Variants in EPHA6 observed in about 807,000 individuals in gnomAD.
EPHA6 encodes the protein ephrin type-A receptor 6.
In EPHA6, 50 loss-of-function variants were observed where a neutral mutation model predicts 112.0. The observed-to-expected ratio is 0.45, with a 90% CI of 0.36 to 0.56. The LOEUF is 0.56. EPHA6 is among the 20% of genes least tolerant of loss of function. The pLI is 0.00. For missense variants in EPHA6, 1,280 were observed against 1,417.4 expected (o/e 0.90, Z 1.56); for synonymous variants, 529 against 490.7 (o/e 1.08, Z -1.03).
intron 5 of EPHA6, among the ~76,000 whole-genome samples, chr3:97,396,820 G>A (rs1205694466): frequency 6.6e-5 from 10 of 151,564 alleles, no homozygotes; most frequent in Non-Finnish European, 1.3e-4. Flanking sequence ...ATTGTCTTGA[G>A]AGCAAAATAG....
chr3:97,352,213 A>G (rs2083849467), intron 5 of EPHA6, among the ~76,000 whole-genome samples: 1 of 152,162 alleles, frequency 6.6e-6, no homozygotes, highest in Admixed American at 6.5e-5. Context: ...AATATCAGAA[A>G]TATATTTGGG....
intron 3 of EPHA6, among the ~76,000 whole-genome samples, chr3:97,195,125 G>A (rs1363113823): frequency 2.6e-5 from 4 of 151,994 alleles, no homozygotes; most frequent in African/African-American, 9.6e-5. Context: ...TTTGTTTACA[G>A]CTTGTTTTGT....
At chr3:97,333,468 CTTTTTTTTTTTTTT>C (rs869258362) in intron 5 of EPHA6, among the ~76,000 whole-genome samples, 2 of 75,880 alleles carry the variant, frequency 2.6e-5, no homozygotes, top group Non-Finnish European at 5.0e-5. Flanking sequence ...TATGGCTTTT[CTTTTTTTTTTTTTT>C]TTTTTTTTTG....
chr3:97,323,051 T>A (rs2082194352), intron 5 of EPHA6, among the ~76,000 whole-genome samples: 1 of 151,984 alleles, frequency 6.6e-6, no homozygotes, highest in Non-Finnish European at 1.5e-5. Context: ...TCCTCTTCCC[T>A]TGTAGTTAAG....
chr3:97,437,944 C>T (rs567347580), intron 6 of EPHA6, among the ~76,000 whole-genome samples: 105 of 151,798 alleles, frequency 6.9e-4, no homozygotes, highest in Non-Finnish European at 8.1e-4. Flanking sequence ...TTTTTCTATC[C>T]GTATATTGTT....
intron 3 of EPHA6, among the ~76,000 whole-genome samples, chr3:97,131,902 C>T (rs1167812006): frequency 6.6e-6 from 1 of 152,080 alleles, no homozygotes; most frequent in Non-Finnish European, 1.5e-5. Flanking sequence ...TCAATCATAA[C>T]CTAAATGACC....
chr3:97,388,320 A>G, intron 5 of EPHA6, among the ~76,000 whole-genome samples: 1 of 151,964 alleles, frequency 6.6e-6, no homozygotes, highest in East Asian at 1.9e-4. Flanking sequence ...TTTTTTTTTA[A>G]TCTTCTTAGT....
intron 11 of EPHA6, among the ~76,000 whole-genome samples, chr3:97,586,664 A>T (rs1353062285): frequency 6.6e-6 from 1 of 152,098 alleles, no homozygotes; most frequent in Non-Finnish European, 1.5e-5. Flanking sequence ...AGATAGAAAG[A>T]TGGTAGGTAG....
In EPHA6 at chr3:97,527,686, A is replaced by G. The variant is rs571943914; in HGVS notation, c.2201-4672A>G. ...GGGCCACATAGGGGTTGCATTTGGGAAAAAAAGTGAACAACCATGTGTATG... is the reference window on the plus strand; with the variant it reads ...GGGCCACATAGGGGTTGCATTTGGGGAAAAAAGTGAACAACCATGTGTATG... On this transcript the variant is annotated intron_variant, in intron 10 of 17. Transcript: ENST00000389672. 3.4e-5 allele frequency among the ~76,000 whole-genome samples: 5 copies of G among 146,324 alleles called. No homozygotes were observed. In the South Asian group the frequency reaches 8.4e-4, roughly 25 times the overall value.
chr3:97,569,704 A>T (rs2107215222), intron 11 of EPHA6, among the ~76,000 whole-genome samples: 1 of 152,354 alleles, frequency 6.6e-6, no homozygotes, highest in Non-Finnish European at 1.5e-5. Flanking sequence ...TATTGTTTTA[A>T]TTGAAAGGGA....
At chr3:96,878,326 G>A (rs1452522645) in intron 2 of EPHA6, among the ~76,000 whole-genome samples, 1 of 151,810 alleles carries the variant, frequency 6.6e-6, no homozygotes, top group East Asian at 1.9e-4. Context: ...GAGAGAGGGG[G>A]AGACAGAAAG....
rs572924672 is a variant in EPHA6 at position 97,678,126 on chromosome 3, G to A, written c.2784+40044G>A. 1.5e-3 allele frequency among the ~76,000 whole-genome samples: 234 copies of A among 152,194 alleles called. 1 individual carries two copies. The highest frequency in any genetic ancestry group is 5.5e-3 in the African/African-American group (230 of 41,528). On this transcript the variant is annotated intron_variant, in intron 14 of 17. Transcript: ENST00000389672. ...GTGGTGACTTGGAGTATTGATAGGT[G>A]ACTATTACAGAGAGGGTGGTGACTG...
chr3:97,372,649 A>C (rs142615835), intron 5 of EPHA6, among the ~76,000 whole-genome samples: 3 of 152,302 alleles, frequency 2.0e-5, no homozygotes, highest in African/African-American at 7.2e-5. Context: ...TAACACAGGT[A>C]CATTTGGGAA....
At chr3:97,367,578 T>G (rs897749228) in intron 5 of EPHA6, among the ~76,000 whole-genome samples, 7 of 152,058 alleles carry the variant, frequency 4.6e-5, no homozygotes, top group Non-Finnish European at 1.0e-4. Context: ...ATTTATTTTT[T>G]TTTTGTAGTT....
chr3:97,181,560 T>A (rs768430250), intron 3 of EPHA6, among the ~76,000 whole-genome samples: 76 of 151,288 alleles, frequency 5.0e-4, no homozygotes, highest in Non-Finnish European at 1.5e-4. Flanking sequence ...CTTAAGGATA[T>A]CAAATAGCAG....
intron 3 of EPHA6, among the ~76,000 whole-genome samples, chr3:97,075,288 T>A (rs2046480801): frequency 6.6e-6 from 1 of 152,048 alleles, no homozygotes; most frequent in South Asian, 2.1e-4. Context: ...AAGATAATGT[T>A]CATATCAATT....
Position 97,646,417 on chromosome 3 carries a change from C to A in EPHA6, c.2784+8335C>A. 7 of 815,446 alleles carry A rather than the reference C, an allele frequency of 8.6e-6. No individual in the cohort carries two copies. In the South Asian group the frequency reaches 1.5e-4, roughly 17 times the overall value. The allele number at this position is 815,446 out of a possible 1,614,324, so 50.5% of individuals were successfully genotyped here. A position where few individuals can be genotyped will look rare whatever the true frequency, so the allele number is the denominator to read the frequency against. On this transcript the variant is annotated intron_variant, in intron 14 of 17. Coordinates refer to ENST00000389672, the MANE Select transcript of EPHA6 (RefSeq NM_001080448.3). ...AGTAAATGAAGAATGAGATTTACAC[C>A]TAAATATAAGTAGAAATTCTAATAT...
intron 4 of EPHA6, among the ~76,000 whole-genome samples, chr3:97,232,058 G>T (rs1238104229): frequency 6.6e-6 from 1 of 152,104 alleles, no homozygotes; most frequent in East Asian, 1.9e-4. Flanking sequence ...TATTTCTGAG[G>T]CCCTGCAGTT....
intron 2 of EPHA6, among the ~76,000 whole-genome samples, chr3:96,924,191 A>G (rs922022417): frequency 9.2e-5 from 14 of 152,202 alleles, no homozygotes; most frequent in Non-Finnish European, 1.6e-4. Context: ...GAAGAATGTC[A>G]GTGGTAGTCT....
Sources: allele counts gnomAD v4.1 joint callset (sites outside exome capture counted in the v4.1 genomes callset), GRCh38; gene constraint gnomAD v4.1.1; transcripts MANE v1.5; gene names NCBI Gene and HGNC (gene_info 2026-07-23, HGNC 2026-07-21).